Variants in NBEA observed in about 807,000 individuals in gnomAD.
NBEA encodes the protein neurobeachin.
NBEA carries 44 observed loss-of-function variants against 343.4 expected under a neutral mutation model. That is an observed-to-expected ratio of 0.13 (90% confidence interval 0.10 to 0.16). The LOEUF is 0.16. Among genes scored for constraint, NBEA ranks in the 10% least tolerant of loss-of-function variants. NBEA has a pLI of 1.00. For missense variants in NBEA, 2,555 were observed against 3,631.3 expected (o/e 0.70, Z 7.62); for synonymous variants, 1,175 against 1,238.7 (o/e 0.95, Z 1.08).
intron 41 of NBEA, among the ~76,000 whole-genome samples, chr13:35,501,884 AT>A (rs560138439): frequency 3.9e-5 from 6 of 152,034 alleles, no homozygotes; most frequent in Non-Finnish European, 7.4e-5. Context: ...CCCCTCTCTG[AT>A]TTTTTTCCAC....
At chr13:35,318,343 C>T (rs1272422874) in intron 36 of NBEA, among the ~76,000 whole-genome samples, 1 of 152,108 alleles carries the variant, frequency 6.6e-6, no homozygotes, top group South Asian at 2.1e-4. Context: ...GTCTTTTTGA[C>T]ATCTATTGAG....
intron 36 of NBEA, among the ~76,000 whole-genome samples, chr13:35,330,782 A>T (rs1328794301): frequency 6.6e-6 from 1 of 152,028 alleles, no homozygotes; most frequent in South Asian, 2.1e-4. Flanking sequence ...AGAATAGCTT[A>T]TCAATTTTTT....
intron 41 of NBEA, among the ~76,000 whole-genome samples, chr13:35,520,249 G>A (rs1248304007): frequency 2.6e-5 from 4 of 152,192 alleles, no homozygotes; most frequent in Non-Finnish European, 5.9e-5. Flanking sequence ...AAGATCAACT[G>A]TTGTATATTT....
rs115714057 is a variant in NBEA, at chr13:35,620,436, C to G, written c.7450-7645C>G. ...GAACATTAGAGCAAAGGCCTTATGG[C>G]AGGGATGTGGTTGGCAAGGAGGCCA... On this transcript the variant is annotated intron_variant, in intron 48 of 58. Coordinates refer to ENST00000379939, the MANE Select transcript of NBEA (RefSeq NM_001385012.1). Among the ~76,000 whole-genome samples, 563 of 151,996 alleles carry G rather than the reference C, an allele frequency of 3.7e-3. 1 individual carries two copies. The highest frequency in any genetic ancestry group is 0.013 in the African/African-American group (534 of 41,442).
At chr13:35,467,212 A>G (rs1449720468) in intron 40 of NBEA, among the ~76,000 whole-genome samples, 2 of 152,134 alleles carry the variant, frequency 1.3e-5, no homozygotes, top group African/African-American at 2.4e-5. Flanking sequence ...GGTGGCTCAG[A>G]CCTGTAATCC....
chr13:35,290,051 T>G (rs1828348647), intron 34 of NBEA, among the ~76,000 whole-genome samples: 1 of 151,720 alleles, frequency 6.6e-6, no homozygotes, highest in Non-Finnish European at 1.5e-5. Flanking sequence ...ACCTAGCTCA[T>G]CAATTTTAAT....
At chr13:35,643,743 C>T (rs765250103) in intron 49 of NBEA, among the ~76,000 whole-genome samples, 42 of 152,102 alleles carry the variant, frequency 2.8e-4, no homozygotes, top group Non-Finnish European at 5.4e-4. Flanking sequence ...TAGATCCTTG[C>T]CCAAGGTTAG....
At chr13:35,164,553 A>G (rs535866134) in intron 24 of NBEA, 44 bp downstream of exon 24, 3 of 1,570,480 alleles carry the variant, frequency 1.9e-6, no homozygotes, top group Admixed American at 1.8e-5. Flanking sequence ...TTATAAATAC[A>G]TGACTTTAGC....
At chr13:35,512,067 A>G (rs753066200) in intron 41 of NBEA, among the ~76,000 whole-genome samples, 6 of 152,204 alleles carry the variant, frequency 3.9e-5, no homozygotes, top group Non-Finnish European at 8.8e-5. Flanking sequence ...AGGAATTTTT[A>G]AAACCTCAAT....
chr13:35,137,504 ATTT>A (rs1326917370), intron 17 of NBEA, among the ~76,000 whole-genome samples: 1 of 151,832 alleles, frequency 6.6e-6, no homozygotes, highest in East Asian at 1.9e-4. Context: ...AGTTTTAAAA[ATTT>A]TTTTATTGTT....
At chr13:35,444,267 A>G (rs1349988688) in intron 39 of NBEA, among the ~76,000 whole-genome samples, 2 of 152,108 alleles carry the variant, frequency 1.3e-5, no homozygotes, top group Admixed American at 6.5e-5. Flanking sequence ...TGAGAGGTAT[A>G]TTTATCTTAA....
At position 35,124,571 on chromosome 13, in the gene NBEA, GAT is replaced by G. The variant is rs1035541523; in HGVS notation, c.2336+1007_2336+1008del. Among the ~76,000 whole-genome samples the G allele has an allele frequency of 1.0e-3, 149 of 146,954 alleles. 1 individual carries two copies. Among genetic ancestry groups the G allele is most frequent in the Middle Eastern group, 7.3e-3 (2 of 274 alleles). ...ATATATATACATACACATATATATG[GAT>G]ATATATATACATACACATATATGGA... On this transcript the variant is annotated intron_variant, in intron 17 of 58. Coordinates refer to ENST00000379939, the MANE Select transcript of NBEA (RefSeq NM_001385012.1).
At chr13:35,013,437 C>G (rs2061550871) in intron 1 of NBEA, among the ~76,000 whole-genome samples, 1 of 151,748 alleles carries the variant, frequency 6.6e-6, no homozygotes, top group Non-Finnish European at 1.5e-5. Flanking sequence ...TTTCTTTTTC[C>G]TTTATACACA....
At chr13:35,071,610 T>TA (rs1388295901) in intron 10 of NBEA, among the ~76,000 whole-genome samples, 1 of 152,004 alleles carries the variant, frequency 6.6e-6, no homozygotes, top group Non-Finnish European at 1.5e-5. Flanking sequence ...AGATAAGCAT[T>TA]AATTTTTATT....
intron 34 of NBEA, among the ~76,000 whole-genome samples, chr13:35,282,701 G>T (rs192545345): frequency 6.6e-5 from 10 of 152,190 alleles, no homozygotes; most frequent in African/African-American, 2.2e-4. Context: ...TTACTACTGT[G>T]AATAAAAGTA....
chr13:35,373,354 A>G lies in NBEA; in HGVS notation c.6179+21031A>G, dbSNP rs58156038. On this transcript the variant is annotated intron_variant, in intron 38 of 58. Transcript: ENST00000379939. ...CCCACATAACACATATTTTAATGTT[A>G]TATGTGTTATATACTGTATTCTTAC... Among the ~76,000 whole-genome samples, 1,469 of 152,266 alleles carry G rather than the reference A, an allele frequency of 9.6e-3. 26 individuals carry two copies. The highest frequency in any genetic ancestry group is 0.034 in the African/African-American group (1,406 of 41,546).
chr13:35,198,952 T>C (rs969812877), intron 31 of NBEA, among the ~76,000 whole-genome samples: 1 of 152,082 alleles, frequency 6.6e-6, no homozygotes, highest in East Asian at 1.9e-4. Context: ...TGCATACAAC[T>C]TAGTTTCATG....
intron 41 of NBEA, among the ~76,000 whole-genome samples, chr13:35,543,608 C>T (rs1256950601): frequency 1.3e-5 from 2 of 152,094 alleles, no homozygotes; most frequent in East Asian, 1.9e-4. Flanking sequence ...ATTTGATGCT[C>T]CTACCCCTCA....
At chr13:35,627,666 C>A (rs1458498694) in intron 48 of NBEA, among the ~76,000 whole-genome samples, 1 of 151,996 alleles carries the variant, frequency 6.6e-6, no homozygotes, top group East Asian at 1.9e-4. Context: ...CAGAGTTTCT[C>A]ATAAAATTGC....
Sources: gnomAD v4.1 joint callset for allele counts (sites outside exome capture counted in the v4.1 genomes callset) on GRCh38, gnomAD v4.1.1 for gene constraint, MANE v1.5 for transcripts, NCBI Gene and HGNC (gene_info 2026-07-23, HGNC 2026-07-21) for gene names.